The following L3MBTL3 variants were observed in gnomAD, a reference collection of about 807,000 sequenced individuals.
L3MBTL3 encodes the protein lethal(3)malignant brain tumor-like protein 3.
Under a neutral mutation model 102.3 loss-of-function variants are expected in L3MBTL3, and 27 were observed. The observed-to-expected ratio is 0.26, with a 90% CI of 0.19 to 0.36. The LOEUF (loss-of-function observed/expected upper bound fraction) is 0.36. L3MBTL3 is among the 10% of genes least tolerant of loss of function. The pLI, the probability that L3MBTL3 is intolerant of heterozygous loss-of-function variation, is 1.00. For missense variants in L3MBTL3, 798 were observed against 955.3 expected (o/e 0.84, Z 2.17); for synonymous variants, 340 against 320.9 (o/e 1.06, Z -0.64).
At chr6:130,049,682 A>C in intron 4 of L3MBTL3, 74 bp from the exon 5 acceptor site, 1 of 1,591,874 alleles carries the variant, frequency 6.3e-7, no homozygotes. Context: ...AAAGCCTGCC[A>C]CTTTTTTTCT....
chr6:130,057,871 C>T (rs1221470517), intron 9 of L3MBTL3, among the ~76,000 whole-genome samples: 4 of 152,122 alleles, frequency 2.6e-5, no homozygotes, highest in Non-Finnish European at 4.4e-5. Flanking sequence ...TGGCCGGGCG[C>T]GGTGGCTCAC....
chr6:130,027,800 T>G (rs1779448774), intron 2 of L3MBTL3, among the ~76,000 whole-genome samples: 1 of 152,222 alleles, frequency 6.6e-6, no homozygotes, highest in Non-Finnish European at 1.5e-5. Flanking sequence ...AAATTTTAGT[T>G]CATGCATATT....
intron 19 of L3MBTL3, among the ~76,000 whole-genome samples, chr6:130,108,610 G>A: frequency 6.6e-6 from 1 of 152,064 alleles, no homozygotes; most frequent in East Asian, 1.9e-4. Flanking sequence ...TTCCTTAGGA[G>A]CAAATGAATG....
intron 9 of L3MBTL3, among the ~76,000 whole-genome samples, chr6:130,059,784 T>C (rs1185715084): frequency 2.0e-5 from 3 of 152,212 alleles, no homozygotes; most frequent in African/African-American, 7.2e-5. Context: ...GTATGTCTCT[T>C]CTGCATGAGG....
intron 11 of L3MBTL3, among the ~76,000 whole-genome samples, chr6:130,067,483 G>A (rs1395972433): frequency 6.6e-6 from 1 of 152,148 alleles, no homozygotes; most frequent in African/African-American, 2.4e-5. Flanking sequence ...CAAAAATTCA[G>A]GTTACTGGGT....
chr6:130,037,849 C>G (rs1269636249), intron 2 of L3MBTL3, among the ~76,000 whole-genome samples: 1 of 152,054 alleles, frequency 6.6e-6, no homozygotes, highest in Non-Finnish European at 1.5e-5. Context: ...ATATTCACCC[C>G]CTGTGCTATA....
At chr6:130,049,173 TTTTAC>T in intron 3 of L3MBTL3, 104 bp from the exon 4 acceptor site, 1 of 659,960 alleles carries the variant, frequency 1.5e-6, no homozygotes, top group South Asian at 1.9e-5. Context: ...CTAAATTAAC[TTTTAC>T]CATGTAATTA....
In L3MBTL3 at chr6:130,071,731, CAG is replaced by C. The variant is rs563954793; in HGVS notation, c.1244+606_1244+607del. Among the ~76,000 whole-genome samples the C allele has an allele frequency of 1.4e-4, 21 of 152,136 alleles. No homozygotes were observed. The South Asian group carries it at 2.3e-3, about 17-fold the overall frequency. ...AATTGAGAATATTTTAGAGAAGTAA[CAG>C]ATATCTTTATAAAATACAACTTGTG... On this transcript the variant is annotated intron_variant, in intron 13 of 22. Coordinates refer to ENST00000361794, the MANE Select transcript of L3MBTL3 (RefSeq NM_032438.4).
At chr6:130,106,948 G>T (rs1269027848) in intron 19 of L3MBTL3, among the ~76,000 whole-genome samples, 1 of 152,176 alleles carries the variant, frequency 6.6e-6, no homozygotes, top group African/African-American at 2.4e-5. Context: ...TTGTGTGTAT[G>T]CATGTGTCTT....
chr6:130,039,101 C>G (rs886620909), intron 2 of L3MBTL3, among the ~76,000 whole-genome samples: 3 of 151,988 alleles, frequency 2.0e-5, no homozygotes, highest in Non-Finnish European at 4.4e-5. Flanking sequence ...AATTTTCAAG[C>G]ATATACAAAA....
At chr6:130,134,898 T>G (rs1787457418) in intron 22 of L3MBTL3, among the ~76,000 whole-genome samples, 1 of 152,204 alleles carries the variant, frequency 6.6e-6, no homozygotes, top group Admixed American at 6.5e-5. Context: ...GATGAAAGCT[T>G]GTTAAAATGC....
At chr6:130,126,121 C>CT (rs1267911483) in intron 20 of L3MBTL3, among the ~76,000 whole-genome samples, 1 of 142,406 alleles carries the variant, frequency 7.0e-6, no homozygotes, top group African/African-American at 2.5e-5. Flanking sequence ...CCCTCCCTCT[C>CT]TTTTTTTGCT....
chr6:130,019,792 AT>A (rs1562240447), intron 1 of L3MBTL3, among the ~76,000 whole-genome samples: 1 of 150,398 alleles, frequency 6.6e-6, no homozygotes, highest in East Asian at 2.0e-4. Flanking sequence ...CCTCCGGTTT[AT>A]TTCTGCCCGA....
chr6:130,090,635 G>A (rs571717403), intron 16 of L3MBTL3, among the ~76,000 whole-genome samples: 4 of 151,698 alleles, frequency 2.6e-5, no homozygotes, highest in East Asian at 1.9e-4. Flanking sequence ...TCACTCTGTC[G>A]CCTAGGCTGG....
intron 20 of L3MBTL3, among the ~76,000 whole-genome samples, chr6:130,132,024 T>G (rs1344516843): frequency 6.6e-6 from 1 of 152,230 alleles, no homozygotes; most frequent in Non-Finnish European, 1.5e-5. Context: ...AAGATGGAGT[T>G]GCTCTGGTTC....
In L3MBTL3 at chr6:130,049,683, C is replaced by CT. The variant is rs773688966; in HGVS notation, c.215-66dup. The stretch of plus-strand genomic sequence containing the variant: ...AGGTGATTTAGCCAAAAGCCTGCCA[C>CT]TTTTTTTCTCATCTACTCCGATGGT... On this transcript the variant is annotated intron_variant, in intron 4 of 22. Transcript: ENST00000361794. 4.6e-5 allele frequency: 74 copies of CT among 1,597,018 alleles called. 1 individual carries two copies. In the South Asian group the frequency reaches 7.3e-4, roughly 16 times the overall value.
chr6:130,075,575 G>A (rs1034960624), intron 13 of L3MBTL3, among the ~76,000 whole-genome samples: 2 of 152,178 alleles, frequency 1.3e-5, no homozygotes, highest in East Asian at 3.8e-4. Context: ...AAACTGATTT[G>A]CAAAAGGTTG....
At chr6:130,042,556 G>T (rs562566014) in intron 2 of L3MBTL3, 129 bp from the exon 3 acceptor site, 1 of 512,650 alleles carries the variant, frequency 2.0e-6, no homozygotes, top group Non-Finnish European at 3.5e-6. Context: ...GCTGTTTTTA[G>T]ATCCAGGGAT....
intron 19 of L3MBTL3, among the ~76,000 whole-genome samples, chr6:130,108,220 GTTTTTTTTTTGTTTTTTTTTT>G (rs773617139): frequency 8.4e-6 from 1 of 118,706 alleles, no homozygotes; most frequent in Admixed American, 9.7e-5. Flanking sequence ...ATGTTAGGTG[GTTTTTTTTTTGTTTTTTTTTT>G]TTTTTTTTTT....
Sources: allele counts gnomAD v4.1 joint callset (sites outside exome capture counted in the v4.1 genomes callset), GRCh38; gene constraint gnomAD v4.1.1; transcripts MANE v1.5; gene names NCBI Gene and HGNC (gene_info 2026-07-23, HGNC 2026-07-21).